The following SLC24A2 variants were observed in gnomAD, a reference collection of about 807,000 sequenced individuals.
SLC24A2 encodes solute carrier family 24 member 2.
In SLC24A2, 36 loss-of-function variants were observed where a neutral mutation model predicts 62.0. The observed-to-expected ratio is 0.58, with a 90% CI of 0.44 to 0.77. The LOEUF (loss-of-function observed/expected upper bound fraction) is 0.77. SLC24A2 is among the 30% of genes least tolerant of loss of function. The pLI, the probability that SLC24A2 is intolerant of heterozygous loss-of-function variation, is 0.00. For missense variants in SLC24A2, 846 were observed against 817.9 expected, an observed-to-expected ratio of 1.03 and a Z score of -0.42; for synonymous variants, 358 against 294.0, an observed-to-expected ratio of 1.22 and a Z score of -2.23.
At chr9:19,575,011 G>A (rs771157620) in intron 6 of SLC24A2, among the ~76,000 whole-genome samples, 5 of 152,226 alleles carry the variant, frequency 3.3e-5, no homozygotes, top group Middle Eastern at 3.4e-3. Context: ...TCCATCACTG[G>A]TGCTTAAGAA....
At chr9:19,733,249 G>A (rs925760946) in intron 2 of SLC24A2, among the ~76,000 whole-genome samples, 6 of 152,102 alleles carry the variant, frequency 3.9e-5, no homozygotes, top group African/African-American at 1.2e-4. Context: ...GAACAATTCG[G>A]TATACCTGTT....
At chr9:19,819,685 C>T in the SLC24A2 span, among the ~76,000 whole-genome samples, 386 of 151,530 alleles carry the variant, frequency 2.5e-3, 7 homozygotes, top group East Asian at 0.018. Flanking sequence ...CAAGAATGGC[C>T]ATAATAAAAA....
the SLC24A2 span, among the ~76,000 whole-genome samples, chr9:19,932,596 T>G: frequency 6.6e-6 from 1 of 152,234 alleles, no homozygotes; most frequent in Non-Finnish European, 1.5e-5. Context: ...TATGAGAATT[T>G]ACCTAAGTTC....
chr9:20,088,885 C>T, the SLC24A2 span, among the ~76,000 whole-genome samples: 1 of 152,204 alleles, frequency 6.6e-6, no homozygotes, highest in Non-Finnish European at 1.5e-5. Context: ...GTTTCACAGC[C>T]TTCACTGTTG....
the SLC24A2 span, among the ~76,000 whole-genome samples, chr9:20,066,822 C>T: frequency 6.6e-6 from 1 of 152,172 alleles, no homozygotes; most frequent in African/African-American, 2.4e-5. Context: ...CCCCAGATTT[C>T]TAAAAGCTTG....
At chr9:20,075,686 G>A in the SLC24A2 span, among the ~76,000 whole-genome samples, 1 of 96,344 alleles carries the variant, frequency 1.0e-5, no homozygotes, top group Non-Finnish European at 1.9e-5. Context: ...CCCATGGCTT[G>A]CTTGAACAAT....
intron 8 of SLC24A2, among the ~76,000 whole-genome samples, chr9:19,538,379 T>G (rs1369684357): frequency 7.5e-6 from 1 of 132,660 alleles, no homozygotes; most frequent in Non-Finnish European, 1.6e-5. Flanking sequence ...ATACGTCCCA[T>G]CAATACCTAA....
At chr9:19,709,036 A>T (rs1344854485) in intron 2 of SLC24A2, among the ~76,000 whole-genome samples, 1 of 152,222 alleles carries the variant, frequency 6.6e-6, no homozygotes, top group Non-Finnish European at 1.5e-5. Context: ...CAGAATCTAC[A>T]ATGAACTCAA....
At chr9:19,521,245 C>G (rs1029028996) in intron 9 of SLC24A2, among the ~76,000 whole-genome samples, 185 bp from the exon 10 acceptor site, 1 of 152,186 alleles carries the variant, frequency 6.6e-6, no homozygotes, top group African/African-American at 2.4e-5. Context: ...GATATTCAGA[C>G]CCAAGGCATC....
the SLC24A2 span, among the ~76,000 whole-genome samples, chr9:20,112,635 G>T: frequency 6.6e-6 from 1 of 152,148 alleles, no homozygotes; most frequent in Non-Finnish European, 1.5e-5. Flanking sequence ...ACCCCAGGGT[G>T]TCAGTGTACG....
the SLC24A2 span, among the ~76,000 whole-genome samples, chr9:19,907,106 C>T: frequency 6.6e-6 from 1 of 152,200 alleles, no homozygotes; most frequent in Non-Finnish European, 1.5e-5. Context: ...AATCCAGCAA[C>T]ACATCAAAAA....
At chr9:19,850,790 A>T in the SLC24A2 span, among the ~76,000 whole-genome samples, 1 of 149,984 alleles carries the variant, frequency 6.7e-6, no homozygotes, top group Non-Finnish European at 1.5e-5. Context: ...AGCATGTGTC[A>T]ATATTTCATT....
At chr9:20,068,332 A>G in the SLC24A2 span, among the ~76,000 whole-genome samples, 28,875 of 151,892 alleles carry the variant, frequency 0.19, 4,088 homozygotes, top group East Asian at 0.66. Flanking sequence ...AAAGTGCCGG[A>G]ATTACAGGTG....
intron 8 of SLC24A2, among the ~76,000 whole-genome samples, chr9:19,538,898 T>C (rs1281906536): frequency 3.9e-5 from 5 of 129,356 alleles, no homozygotes; most frequent in South Asian, 3.0e-4. Flanking sequence ...TATTGGTCTA[T>C]TCAGAGATTC....
At chr9:19,995,407 A>G in the SLC24A2 span, among the ~76,000 whole-genome samples, 1 of 152,120 alleles carries the variant, frequency 6.6e-6, no homozygotes, top group Non-Finnish European at 1.5e-5. Context: ...GCTCTGGGGA[A>G]GGAAAGAAAA....
chr9:19,860,390 G>A, the SLC24A2 span, among the ~76,000 whole-genome samples: 1 of 152,096 alleles, frequency 6.6e-6, no homozygotes, highest in Non-Finnish European at 1.5e-5. Flanking sequence ...GTCCTGGCAG[G>A]ATTAATCACC....
At chr9:20,298,387 C>A in the SLC24A2 span, among the ~76,000 whole-genome samples, 1 of 152,176 alleles carries the variant, frequency 6.6e-6, no homozygotes. Context: ...CGCCACCATG[C>A]CCAGCTAATT....
intron 2 of SLC24A2, among the ~76,000 whole-genome samples, chr9:19,635,591 A>T (rs1414383015): frequency 6.6e-6 from 1 of 152,208 alleles, no homozygotes; most frequent in Non-Finnish European, 1.5e-5. Context: ...ATGAAAGAAA[A>T]CCCAGTCCCA....
At chr9:19,826,112 A>G in the SLC24A2 span, among the ~76,000 whole-genome samples, 1 of 150,880 alleles carries the variant, frequency 6.6e-6, no homozygotes, top group Non-Finnish European at 1.5e-5. Flanking sequence ...AAATAAGACC[A>G]GAACAAAAAT....
Sources: gnomAD v4.1 joint callset for allele counts (sites outside exome capture counted in the v4.1 genomes callset) on GRCh38, gnomAD v4.1.1 for gene constraint, MANE v1.5 for transcripts, NCBI Gene and HGNC (gene_info 2026-07-23, HGNC 2026-07-21) for gene names.